SLC35D4: variants seen among roughly 807,000 people sequenced by gnomAD.
The protein encoded by SLC35D4 is UDP-N-acetylglucosamine transporter SLC35D4.
At chr18:23,418,350 AT>A in the SLC35D4 span, among the ~76,000 whole-genome samples, 4 of 49,346 alleles carry the variant, frequency 8.1e-5, no homozygotes, top group African/African-American at 3.6e-4. Flanking sequence ...AGAAGCCAAA[AT>A]TATTATTATT....
the SLC35D4 span, among the ~76,000 whole-genome samples, chr18:23,281,845 CCCT>C: frequency 1.3e-5 from 2 of 152,298 alleles, no homozygotes; most frequent in South Asian, 2.1e-4. Context: ...GGCAGAACAG[CCCT>C]CCTAGACAAA....
the SLC35D4 span, among the ~76,000 whole-genome samples, chr18:23,333,234 A>T: frequency 6.6e-6 from 1 of 152,206 alleles, no homozygotes; most frequent in Non-Finnish European, 1.5e-5. Flanking sequence ...CCTTCAAATA[A>T]TTAGGACTGA....
chr18:23,275,490 G>A, the SLC35D4 span, among the ~76,000 whole-genome samples: 3 of 152,182 alleles, frequency 2.0e-5, no homozygotes, highest in African/African-American at 7.2e-5. Flanking sequence ...CACCTGACCG[G>A]AGGCTGAAGG....
the SLC35D4 span, among the ~76,000 whole-genome samples, chr18:23,429,615 A>T: frequency 1.3e-5 from 2 of 152,132 alleles, no homozygotes; most frequent in Admixed American, 6.6e-5. Context: ...ACCTCAGGTA[A>T]TCCTCCCACC....
At chr18:23,279,414 A>G in the SLC35D4 span, among the ~76,000 whole-genome samples, 2 of 152,354 alleles carry the variant, frequency 1.3e-5, no homozygotes, top group Non-Finnish European at 2.9e-5. Context: ...AGCCTCTTAA[A>G]TAAAATCAGA....
the SLC35D4 span, among the ~76,000 whole-genome samples, chr18:23,337,487 A>AC: frequency 6.6e-6 from 1 of 152,112 alleles, no homozygotes; most frequent in East Asian, 1.9e-4. Flanking sequence ...AAAAAAAAAA[A>AC]AATTACATTA....
the SLC35D4 span, among the ~76,000 whole-genome samples, chr18:23,335,052 G>T: frequency 2.0e-5 from 3 of 151,786 alleles, no homozygotes; most frequent in Admixed American, 6.6e-5. Flanking sequence ...AAGCAAATTT[G>T]GACTACTTTT....
chr18:23,303,441 G>A, the SLC35D4 span, among the ~76,000 whole-genome samples: 1 of 150,862 alleles, frequency 6.6e-6, no homozygotes, highest in African/African-American at 2.5e-5. Flanking sequence ...GCCTCTTACA[G>A]ACGCCTGCTT....
the SLC35D4 span, chr18:23,259,899 C>T: frequency 3.3e-5 from 5 of 152,400 alleles, no homozygotes; most frequent in African/African-American, 9.7e-5. Context: ...CCTCTCCAGT[C>T]CTCCCCACAC....
At chr18:23,345,339 G>A in the SLC35D4 span, among the ~76,000 whole-genome samples, 2 of 151,652 alleles carry the variant, frequency 1.3e-5, no homozygotes, top group East Asian at 1.9e-4. Context: ...AAAATTAGCC[G>A]GGCATGGTGG....
chr18:23,392,690 G>C, the SLC35D4 span, among the ~76,000 whole-genome samples: 1 of 152,220 alleles, frequency 6.6e-6, no homozygotes, highest in Non-Finnish European at 1.5e-5. Flanking sequence ...CTTCCAGCCT[G>C]GCATTAACGC....
At chr18:23,391,637 G>A in the SLC35D4 span, among the ~76,000 whole-genome samples, 921 of 152,238 alleles carry the variant, frequency 6.0e-3, 12 homozygotes, top group African/African-American at 0.021. Context: ...AGAGGCACAT[G>A]CCACCAGGTC....
the SLC35D4 span, among the ~76,000 whole-genome samples, chr18:23,364,934 G>GGATT: frequency 2.2e-5 from 2 of 88,988 alleles, 1 homozygote. Context: ...AAAAAAAAAA[G>GGATT]GACTCCTTTC....
the SLC35D4 span, among the ~76,000 whole-genome samples, chr18:23,349,333 A>T: frequency 2.0e-5 from 3 of 152,074 alleles, no homozygotes; most frequent in East Asian, 1.9e-4. Flanking sequence ...TCTTCAATTT[A>T]AAAAAAACCT....
At chr18:23,435,173 A>G in the SLC35D4 span, among the ~76,000 whole-genome samples, 1 of 152,066 alleles carries the variant, frequency 6.6e-6, no homozygotes, top group East Asian at 1.9e-4. Context: ...AAAAAAAATT[A>G]GAAAAGAAAA....
At chr18:23,398,075 C>CA in the SLC35D4 span, among the ~76,000 whole-genome samples, 2 of 151,860 alleles carry the variant, frequency 1.3e-5, no homozygotes, top group Non-Finnish European at 2.9e-5. Context: ...TGTCTCAAAA[C>CA]AAAAACAAAA....
the SLC35D4 span, among the ~76,000 whole-genome samples, chr18:23,306,141 A>G: frequency 6.6e-6 from 1 of 152,146 alleles, no homozygotes; most frequent in East Asian, 1.9e-4. Context: ...CCTGGGTACC[A>G]GTGCTGACTC....
the SLC35D4 span, among the ~76,000 whole-genome samples, chr18:23,325,465 C>T: frequency 2.3e-4 from 35 of 152,128 alleles, 1 homozygote; most frequent in South Asian, 5.6e-3. Flanking sequence ...TGAGTGTGGC[C>T]GCATGATTCC....
At chr18:23,437,873 C>G in the SLC35D4 span, 19 of 1,602,916 alleles carry the variant, frequency 1.2e-5, no homozygotes, top group South Asian at 2.2e-5. Context: ...GTCCCCTTCT[C>G]GGGGATCCAC....
Sources: gnomAD v4.1 joint callset for allele counts (sites outside exome capture counted in the v4.1 genomes callset) on GRCh38, gnomAD v4.1.1 for gene constraint, MANE v1.5 for transcripts, NCBI Gene and HGNC (gene_info 2026-07-23, HGNC 2026-07-21) for gene names.